Variants in ZNF670 observed in about 807,000 individuals in gnomAD.
ZNF670 encodes zinc finger protein 670.
Under a neutral mutation model 10.9 loss-of-function variants are expected in ZNF670, and 7 were observed. The observed-to-expected ratio is 0.64, with a 90% CI of 0.36 to 1.20. The LOEUF (loss-of-function observed/expected upper bound fraction) is 1.20, where lower values mean the gene tolerates loss of function less well. ZNF670 is among the 50% of genes most tolerant of loss of function. The pLI is 0.02. For synonymous variants in ZNF670, 136 were observed against 152.7 expected, an observed-to-expected ratio of 0.89 and a Z score of 0.81; for missense variants, 446 against 458.6, an observed-to-expected ratio of 0.97 and a Z score of 0.25.
intron 1 of ZNF670, among the ~76,000 whole-genome samples, chr1:247,042,117 CTT>C (rs1420875018): frequency 6.6e-6 from 1 of 152,132 alleles, no homozygotes; most frequent in Non-Finnish European, 1.5e-5. Context: ...TAATAGAAAA[CTT>C]AAAAATTAAT....
At chr1:247,046,901 G>A (rs2103056517) in intron 1 of ZNF670, among the ~76,000 whole-genome samples, 2 of 152,336 alleles carry the variant, frequency 1.3e-5, no homozygotes, top group South Asian at 4.1e-4. Flanking sequence ...GGTTCCAAAT[G>A]GAAGAAATGG....
intron 1 of ZNF670, among the ~76,000 whole-genome samples, chr1:247,065,391 T>A (rs1670957283): frequency 6.6e-6 from 1 of 152,186 alleles, no homozygotes; most frequent in Non-Finnish European, 1.5e-5. Context: ...AAAGAAAACC[T>A]AAGGAGTTAA....
Position 247,037,292 on chromosome 1 carries a change from A to G in ZNF670, c.*157T>C. ...GGGTCCTTCTAAGTTTTAGAAGGGAACTAGGAAAATTGCATACATTCTAAT... is the reference window on the plus strand; with the variant it reads ...GGGTCCTTCTAAGTTTTAGAAGGGAGCTAGGAAAATTGCATACATTCTAAT... On this transcript the variant is annotated 3_prime_UTR_variant, in exon 4 of 4. Coordinates refer to ENST00000366503, the MANE Select transcript of ZNF670 (RefSeq NM_033213.5). 1.1e-6 allele frequency: 1 copy of G among 887,124 alleles called. No individual in the cohort carries two copies. 55.0% of individuals were successfully genotyped at this position (887,124 alleles called of 1,614,324 possible). A position where few individuals can be genotyped will look rare whatever the true frequency, so the allele number is the denominator to read the frequency against.
At position 247,037,394 on chromosome 1, in the gene ZNF670, T is replaced by C; in HGVS notation, c.*55A>G. 6.6e-7 allele frequency: 1 copy of C among 1,512,918 alleles called. No homozygotes were observed. Among genetic ancestry groups the C allele is most frequent in the Non-Finnish European group, 8.8e-7 (1 of 1,134,464 alleles). The allele number at this position is 1,512,918 out of a possible 1,614,324, so 93.7% of individuals were successfully genotyped here. On this transcript the variant is annotated 3_prime_UTR_variant, in exon 4 of 4. Coordinates refer to ENST00000366503, the MANE Select transcript of ZNF670 (RefSeq NM_033213.5). ...CGTGTTCTAATGAAACTAGAATAAC[T>C]GAAAGCTTTAACACACTTCTTACAT...
chr1:247,041,161 G>A (rs1313250964), intron 1 of ZNF670, among the ~76,000 whole-genome samples: 1 of 152,096 alleles, frequency 6.6e-6, no homozygotes, highest in Non-Finnish European at 1.5e-5. Flanking sequence ...TTTCAAATAT[G>A]AAAGACAAAA....
chr1:247,060,619 C>T (rs539450400), intron 1 of ZNF670, among the ~76,000 whole-genome samples: 18 of 152,240 alleles, frequency 1.2e-4, no homozygotes, highest in Admixed American at 7.2e-4. Context: ...ATGGGAACTC[C>T]GTACTATCTG....
intron 1 of ZNF670, among the ~76,000 whole-genome samples, chr1:247,072,843 T>TATATATATATATATATATACAC (rs1671168605): frequency 1.2e-5 from 1 of 85,814 alleles, no homozygotes; most frequent in Non-Finnish European, 2.4e-5. Context: ...TATATATGCA[T>TATATATATATATATATATACAC]ACACACACAT....
At chr1:247,046,863 G>A (rs1360979891) in intron 1 of ZNF670, among the ~76,000 whole-genome samples, 1 of 152,218 alleles carries the variant, frequency 6.6e-6, no homozygotes, top group Non-Finnish European at 1.5e-5. Flanking sequence ...CAGGAATGAG[G>A]TTGCCCAAGG....
intron 1 of ZNF670, among the ~76,000 whole-genome samples, chr1:247,073,318 T>C (rs1358974237): frequency 6.6e-6 from 1 of 152,046 alleles, no homozygotes; most frequent in Non-Finnish European, 1.5e-5. Context: ...CTGTGCTCAG[T>C]AGGTTAAATA....
intron 1 of ZNF670, among the ~76,000 whole-genome samples, chr1:247,042,003 C>T (rs986856551): frequency 6.6e-5 from 10 of 152,250 alleles, no homozygotes; most frequent in African/African-American, 2.4e-4. Context: ...CTCTTAATGA[C>T]TGTAGGAGGC....
rs773146209 is a variant in ZNF670 at position 247,037,465 on chromosome 1, C to T, written c.1154G>A (p.Arg385Lys). Reference sequence around the variant, plus strand: ...TGTTGTTTTTTACCACATATAAGCTCTTTCATGCTTTCGAAGGGAACTGGA... The same window carrying T: ...TGTTGTTTTTTACCACATATAAGCTTTTTCATGCTTTCGAAGGGAACTGGA... ...SCSSSLRKHE[R>K]AYMW Residue 385 changes from arginine (R) to lysine (K), a missense_variant, in exon 4 of 4, where the codon AGA becomes AAA. Transcript: ENST00000366503. The T allele has an allele frequency of 6.2e-7, 1 of 1,609,912 alleles. No homozygotes were observed. Among genetic ancestry groups the T allele is most frequent in the African/African-American group, 1.3e-5 (1 of 74,598 alleles).
chr1:247,039,680 G>A, intron 1 of ZNF670, 143 bp from the exon 2 acceptor site: 1 of 907,754 alleles, frequency 1.1e-6, no homozygotes, highest in East Asian at 3.4e-5. Context: ...TTTACTCTCT[G>A]TCTGCACTTA....
rs771800348 is a variant in ZNF670 at position 247,038,249 on chromosome 1, A to G, written c.370T>C (p.Ser124Pro). 14 of 1,614,056 alleles carry G rather than the reference A, an allele frequency of 8.7e-6. No individual in the cohort carries two copies. The highest frequency in any genetic ancestry group is 1.2e-5 in the Non-Finnish European group (14 of 1,180,026). ...CHSALHRHIL[S>P]HIGNKLFECE... Reference sequence around the variant, plus strand: ...TCAAATAGTTTGTTTCCAATGTGAGACAGGATGTGCCTATGAAGGGCTGAA... The same window carrying G: ...TCAAATAGTTTGTTTCCAATGTGAGGCAGGATGTGCCTATGAAGGGCTGAA... The change falls in exon 4 of 4, where the codon TCT (serine) becomes CCT (proline). Residue 124 changes from serine to proline, a missense_variant. Ser to Pro is a moderately conservative substitution (Grantham distance 74). Transcript: ENST00000366503.
At chr1:247,055,930 G>A (rs1179243429) in intron 1 of ZNF670, among the ~76,000 whole-genome samples, 1 of 152,052 alleles carries the variant, frequency 6.6e-6, no homozygotes, top group Non-Finnish European at 1.5e-5. Context: ...ACTACATAAT[G>A]ATATGTATGT....
chr1:247,067,646 T>A (rs1179004005), intron 1 of ZNF670, among the ~76,000 whole-genome samples: 2 of 143,552 alleles, frequency 1.4e-5, no homozygotes, highest in Non-Finnish European at 1.5e-5. Context: ...ATCGAGACCA[T>A]CCCGGCTAAA....
chr1:247,075,316 A>T (rs1490593918), intron 1 of ZNF670, among the ~76,000 whole-genome samples: 1 of 152,234 alleles, frequency 6.6e-6, no homozygotes, highest in Non-Finnish European at 1.5e-5. Flanking sequence ...CCCTGCAAAA[A>T]GGAGGCACTG....
rs116840373 is a variant in ZNF670, at chr1:247,073,166, C to T, written c.3+5428G>A. Among the ~76,000 whole-genome samples, 699 of 152,198 alleles carry T rather than the reference C, an allele frequency of 4.6e-3. 7 individuals are homozygous for T. Among genetic ancestry groups the T allele is most frequent in the African/African-American group, 0.015 (628 of 41,530 alleles). On this transcript the variant is annotated intron_variant, in intron 1 of 3. Transcript: ENST00000366503. Reference sequence around the variant, plus strand: ...AACAATTTATTCCAAGAATTATCTACGATTTTTTCAGGTCATATCACCCAA... The same window carrying T: ...AACAATTTATTCCAAGAATTATCTATGATTTTTTCAGGTCATATCACCCAA...
intron 1 of ZNF670, among the ~76,000 whole-genome samples, chr1:247,069,673 G>C (rs1671071356): frequency 1.3e-5 from 2 of 152,140 alleles, no homozygotes; most frequent in African/African-American, 4.8e-5. Flanking sequence ...AAGAAAGCAT[G>C]AGAGCCTGTC....
At chr1:247,038,937 C>T in intron 2 of ZNF670, 67 bp from the exon 3 acceptor site, 1 of 1,273,108 alleles carries the variant, frequency 7.9e-7, no homozygotes, top group Non-Finnish European at 1.1e-6. Flanking sequence ...ATTCAAGGTT[C>T]ACTATACACT....
Sources: gnomAD v4.1 joint callset for allele counts (sites outside exome capture counted in the v4.1 genomes callset) on GRCh38, gnomAD v4.1.1 for gene constraint, MANE v1.5 for transcripts, NCBI Gene and HGNC (gene_info 2026-07-23, HGNC 2026-07-21) for gene names.